Variants in NCOA3 observed in about 807,000 individuals in gnomAD.
NCOA3 encodes the protein CBP-interacting protein.
Under a neutral mutation model 158.8 loss-of-function variants are expected in NCOA3, and 51 were observed. That is an observed-to-expected ratio of 0.32 (90% CI 0.26 to 0.41). The LOEUF (loss-of-function observed/expected upper bound fraction) is 0.41. NCOA3 is among the 10% of genes least tolerant of loss of function. NCOA3 has a pLI of 1.00. For missense variants in NCOA3, 1,510 were observed against 1,746.6 expected, an observed-to-expected ratio of 0.86 and a Z score of 2.41; for synonymous variants, 537 against 592.4, an observed-to-expected ratio of 0.91 and a Z score of 1.36.
At chr20:47,603,923 G>A (rs191046098) in intron 2 of NCOA3, among the ~76,000 whole-genome samples, 25 of 152,320 alleles carry the variant, frequency 1.6e-4, no homozygotes, top group African/African-American at 5.5e-4. Flanking sequence ...AGGAATGTTT[G>A]TTCTCATTTA....
intron 2 of NCOA3, among the ~76,000 whole-genome samples, chr20:47,593,420 C>T (rs563740283): frequency 9.7e-4 from 134 of 138,698 alleles, no homozygotes; most frequent in Non-Finnish European, 1.2e-3. Flanking sequence ...CGGCTCACTG[C>T]AAGCTCCACC....
intron 1 of NCOA3, among the ~76,000 whole-genome samples, chr20:47,540,340 G>A (rs72661195): frequency 5.3e-5 from 8 of 152,174 alleles, no homozygotes; most frequent in Non-Finnish European, 7.4e-5. Context: ...TTGGGAGGCC[G>A]ATGAGGGTGG....
At chr20:47,535,451 G>A (rs758007761) in intron 1 of NCOA3, among the ~76,000 whole-genome samples, 16 of 152,068 alleles carry the variant, frequency 1.1e-4, no homozygotes, top group Non-Finnish European at 1.9e-4. Flanking sequence ...CCAGGTTCTT[G>A]CCCTAGTGTG....
intron 12 of NCOA3, among the ~76,000 whole-genome samples, chr20:47,637,007 A>G (rs1482580672): frequency 1.3e-5 from 2 of 152,094 alleles, no homozygotes; most frequent in South Asian, 2.1e-4. Context: ...GGAGGTGTTT[A>G]TTGCTGGAAT....
At position 47,655,740 on chromosome 20, in the gene NCOA3, T is replaced by TATC. The variant is rs1316883010; in HGVS notation, c.*2324_*2326dup. ...GTGGGGAGAAATAGAATGGTGCTCTTATCTTTCTTGACTTTAAAAAAATTA... is the reference window on the plus strand; with the variant it reads ...GTGGGGAGAAATAGAATGGTGCTCTTATCATCTTTCTTGACTTTAAAAAAATTA... On this transcript the variant is annotated 3_prime_UTR_variant, in exon 23 of 23. Transcript: ENST00000371998. 1 of 152,512 alleles carries TATC rather than the reference T, an allele frequency of 6.6e-6. No individual in the cohort carries two copies. The highest frequency in any genetic ancestry group is 1.9e-4 in the East Asian group (1 of 5,202). 9.4% of individuals were successfully genotyped at this position (152,512 alleles called of 1,614,324 possible).
intron 2 of NCOA3, among the ~76,000 whole-genome samples, chr20:47,605,527 T>A (rs973184059): frequency 6.6e-5 from 10 of 152,164 alleles, no homozygotes; most frequent in African/African-American, 9.7e-5. Context: ...TAGCTATTGA[T>A]AATACCTTTT....
rs370673025 is a variant in NCOA3, at chr20:47,637,360, C to T, written c.2377-288C>T. ...TATCTGTTAGCTAATTATCAATGCA[C>T]TGCTAGTGACTGTTACCTGCAAAAT... On this transcript the variant is annotated intron_variant, in intron 12 of 22. Transcript: ENST00000371998. Among the ~76,000 whole-genome samples the T allele has an allele frequency of 6.6e-5, 10 of 152,266 alleles. 1 individual carries two copies. The highest frequency in any genetic ancestry group is 3.3e-4 in the Admixed American group (5 of 15,302).
At chr20:47,566,957 AAAAG>A (rs1302575978) in intron 1 of NCOA3, among the ~76,000 whole-genome samples, 7 of 152,200 alleles carry the variant, frequency 4.6e-5, no homozygotes, top group Non-Finnish European at 8.8e-5. Context: ...TCAAAAAAGA[AAAAG>A]AAGAAATTTA....
At chr20:47,649,570 A>C (rs933352550) in intron 19 of NCOA3, among the ~76,000 whole-genome samples, 2 of 152,134 alleles carry the variant, frequency 1.3e-5, no homozygotes, top group African/African-American at 4.8e-5. Flanking sequence ...GGGATATTAA[A>C]ATTCCCTTCT....
rs554299804 is a variant in NCOA3, at chr20:47,603,266, C to T, written c.-19-18963C>T. Among the ~76,000 whole-genome samples the T allele has an allele frequency of 6.8e-4, 103 of 152,330 alleles. No individual in the cohort carries two copies. The Middle Eastern group carries it at 0.014, about 20-fold the overall frequency. On this transcript the variant is annotated intron_variant, in intron 2 of 22. Transcript: ENST00000371998. ...TAGACAATTTGCTTAATTTATTCAG[C>T]TAATTAAATGGGAGAGTTCCCTGAC...
Position 47,635,637 on chromosome 20 carries a change from C to A in NCOA3, c.1428C>A (p.Asn476Lys). The part of the protein sequence containing the change: ...PPHGSPGLAP[N>K]QQNIMISPRN... Reference sequence around the variant, plus strand: ...ATGGGAGTCCTGGTCTTGCCCCAAACCAGCAGAATATCATGATTTCTCCTC... The same window carrying A: ...ATGGGAGTCCTGGTCTTGCCCCAAAACAGCAGAATATCATGATTTCTCCTC... Residue 476 changes from asparagine to lysine, a missense_variant, in exon 11 of 23, where the codon AAC (asparagine) becomes AAA (lysine). This residue lies in a region of NCOA3 where 1,017 missense variants were observed against 1,098.3 expected (regional missense o/e 0.93). Coordinates refer to ENST00000371998, the MANE Select transcript of NCOA3 (RefSeq NM_181659.3). The A allele has an allele frequency of 6.2e-7, 1 of 1,614,172 alleles. No homozygotes were observed.
intron 2 of NCOA3, among the ~76,000 whole-genome samples, chr20:47,617,460 C>T (rs1447037807): frequency 1.3e-5 from 2 of 152,066 alleles, no homozygotes; most frequent in Admixed American, 1.3e-4. Context: ...TGCCTTATTC[C>T]CCTCTCTCAT....
At chr20:47,605,017 G>A (rs1476117302) in intron 2 of NCOA3, among the ~76,000 whole-genome samples, 3 of 152,096 alleles carry the variant, frequency 2.0e-5, no homozygotes, top group Admixed American at 2.0e-4. Context: ...ACAGGCGCAT[G>A]CCACTACCCC....
At chr20:47,622,856 G>A (rs934038666) in intron 3 of NCOA3, 1 of 152,258 alleles carries the variant, frequency 6.6e-6, no homozygotes, top group Non-Finnish European at 1.5e-5. Context: ...TTAAGGGTGG[G>A]GGAGATTACA....
At chr20:47,559,520 C>T (rs1203092352) in intron 1 of NCOA3, among the ~76,000 whole-genome samples, 4 of 152,162 alleles carry the variant, frequency 2.6e-5, no homozygotes, top group Admixed American at 1.3e-4. Flanking sequence ...GCTTGCTTCT[C>T]TTTCTTACTA....
chr20:47,547,301 G>A (rs1413043064), intron 1 of NCOA3, among the ~76,000 whole-genome samples: 2 of 152,072 alleles, frequency 1.3e-5, no homozygotes, highest in Non-Finnish European at 2.9e-5. Context: ...CATCTGTGGC[G>A]TTAAGATGTT....
intron 1 of NCOA3, among the ~76,000 whole-genome samples, chr20:47,572,268 C>T (rs1186346756): frequency 6.6e-6 from 1 of 152,132 alleles, no homozygotes; most frequent in Non-Finnish European, 1.5e-5. Flanking sequence ...TGGAGTAGCA[C>T]TTTTAATTTC....
chr20:47,565,744 G>A lies in NCOA3; in HGVS notation c.-98-17439G>A, dbSNP rs146759031. 6.7e-3 allele frequency among the ~76,000 whole-genome samples: 1,016 copies of A among 152,200 alleles called. 13 individuals carry two copies. Among genetic ancestry groups the A allele is most frequent in the African/African-American group, 0.023 (967 of 41,540 alleles). ...TCCAAAAAAGGAAGAAACTGAGGAG[G>A]GAGGTGGGGTAACATAGCTAGTAAT... On this transcript the variant is annotated intron_variant, in intron 1 of 22. Transcript: ENST00000371998.
intron 1 of NCOA3, among the ~76,000 whole-genome samples, chr20:47,561,531 C>A (rs1164175080): frequency 6.6e-6 from 1 of 150,970 alleles, no homozygotes; most frequent in Non-Finnish European, 1.5e-5. Context: ...GTTGCCTGGG[C>A]TTTTCTCCAA....
Sources: gnomAD v4.1 joint callset for allele counts (sites outside exome capture counted in the v4.1 genomes callset) on GRCh38, gnomAD v4.1.1 for gene constraint, gnomAD v4.1.1 regional missense constraint, MANE v1.5 for transcripts, NCBI Gene and HGNC (gene_info 2026-07-23, HGNC 2026-07-21) for gene names.